Variants in TNS1 observed in about 807,000 individuals in gnomAD.
TNS1 encodes tensin 1, also known as tensin-1.
A neutral mutation model predicts 168.6 loss-of-function variants in TNS1; 62 were observed. That is an observed-to-expected ratio of 0.37 (90% CI 0.30 to 0.45). The LOEUF (loss-of-function observed/expected upper bound fraction) is 0.45. Ranked by LOEUF, TNS1 falls within the 20% of genes least tolerant of loss-of-function variation. The probability of loss-of-function intolerance (pLI) is 1.00; values close to 1 mark genes in which losing one functional copy is unlikely to be tolerated. For synonymous variants in TNS1, 934 were observed against 933.2 expected (o/e 1.00, Z -0.02); for missense variants, 2,240 against 2,339.4 (o/e 0.96, Z 0.88).
intron 3 of TNS1, among the ~76,000 whole-genome samples, chr2:217,940,713 C>T (rs930315261): frequency 2.0e-5 from 3 of 152,172 alleles, no homozygotes; most frequent in Admixed American, 6.5e-5. Flanking sequence ...TACTGTGTCA[C>T]CCTCTCTGGT....
At chr2:217,900,430 C>T in intron 7 of TNS1, 33 bp downstream of exon 7, 1 of 1,533,880 alleles carries the variant, frequency 6.5e-7, no homozygotes, top group South Asian at 1.2e-5. Flanking sequence ...CCTGCTTGCA[C>T]TCCCGCCCCC....
At chr2:217,820,904 T>C (rs2571434) in intron 23 of TNS1, among the ~76,000 whole-genome samples, 67,154 of 151,872 alleles carry the variant, frequency 0.44, 15,801 homozygotes, top group African/African-American at 0.61. Flanking sequence ...CACCCAGGCA[T>C]CCCCTAATGG....
chr2:217,980,290 G>A (rs181023490), intron 2 of TNS1, among the ~76,000 whole-genome samples: 2 of 152,162 alleles, frequency 1.3e-5, no homozygotes, highest in East Asian at 1.9e-4. Context: ...CCACACAAGC[G>A]TTACCCATCA....
In TNS1 at chr2:217,813,666, T is replaced by C; in HGVS notation, c.4861+19A>G. 6.3e-7 allele frequency: 1 copy of C among 1,597,510 alleles called. No homozygotes were observed. The highest frequency in any genetic ancestry group is 8.5e-7 in the Non-Finnish European group (1 of 1,170,994). ...AAAGCTCACCTGGTCCTGAGCCCCA[T>C]TCTGGGAGATGAGGTTACCTTTTTT... On this transcript the variant is annotated intron_variant, in intron 26 of 32. Coordinates refer to ENST00000682258, the MANE Select transcript of TNS1 (RefSeq NM_001387777.1). This position sits in a 1 kb window ranked among gnomAD's most constrained non-coding sequence, Gnocchi z 4.0.
chr2:217,931,463 G>T (rs983616539), intron 3 of TNS1, among the ~76,000 whole-genome samples: 1 of 152,202 alleles, frequency 6.6e-6, no homozygotes, highest in African/African-American at 2.4e-5. Context: ...GGACATGTGA[G>T]GGTAGGTGCG....
chr2:218,027,270 G>A (rs984551114), intron 1 of TNS1, among the ~76,000 whole-genome samples: 1 of 151,772 alleles, frequency 6.6e-6, no homozygotes, highest in African/African-American at 2.4e-5. Context: ...GGGACTCCAC[G>A]GCCTACACGA....
At chr2:217,976,387 C>T (rs2126041320) in intron 3 of TNS1, among the ~76,000 whole-genome samples, 1 of 152,348 alleles carries the variant, frequency 6.6e-6, no homozygotes, top group East Asian at 1.9e-4. Context: ...GCTGCCCTTC[C>T]CAGCAGGAGG....
rs1181418665 is a variant in TNS1 at position 217,838,637 on chromosome 2, A to G, written c.3008-2426T>C. Reference sequence around the variant, plus strand: ...GAGCACCAATGGCCCCATGGCACCAATGGCCAGTCAGGGCCACTCACATTC... The same window carrying G: ...GAGCACCAATGGCCCCATGGCACCAGTGGCCAGTCAGGGCCACTCACATTC... On this transcript the variant is annotated intron_variant, in intron 19 of 32. Coordinates refer to ENST00000682258, the MANE Select transcript of TNS1 (RefSeq NM_001387777.1). 2.0e-5 allele frequency among the ~76,000 whole-genome samples: 3 copies of G among 152,318 alleles called. No homozygotes were observed. In the East Asian group the frequency reaches 5.8e-4, roughly 29 times the overall value.
intron 1 of TNS1, among the ~76,000 whole-genome samples, chr2:218,002,018 C>T (rs893933558): frequency 2.0e-5 from 3 of 152,228 alleles, no homozygotes; most frequent in African/African-American, 7.2e-5. Flanking sequence ...CCCACAGGAG[C>T]CCCTCTGAGG....
At chr2:217,975,815 G>A (rs114990624) in intron 3 of TNS1, among the ~76,000 whole-genome samples, 1,686 of 152,124 alleles carry the variant, frequency 0.011, 35 homozygotes, top group African/African-American at 0.038. Context: ...TGCTTTTCTG[G>A]CTAGCACCAT....
At chr2:217,815,079 G>T in intron 24 of TNS1, 81 bp from the exon 25 acceptor site, 1 of 1,170,542 alleles carries the variant, frequency 8.5e-7, no homozygotes, top group Non-Finnish European at 1.3e-6. Context: ...GGCCCCCAGT[G>T]CTTGTGAATT....
At chr2:218,025,031 C>G (rs568015054) in intron 1 of TNS1, among the ~76,000 whole-genome samples, 1 of 152,304 alleles carries the variant, frequency 6.6e-6, no homozygotes, top group African/African-American at 2.4e-5. Flanking sequence ...CAGGCCTAGG[C>G]CTGGAGGGAG....
At chr2:217,886,473 A>C in intron 13 of TNS1, 61 bp downstream of exon 13, 1 of 1,354,812 alleles carries the variant, frequency 7.4e-7, no homozygotes, top group East Asian at 2.5e-5. Context: ...CTCTTAGAGA[A>C]GATGGAAGAT....
At chr2:217,829,693 C>T (rs1944131297) in intron 22 of TNS1, 5 of 869,180 alleles carry the variant, frequency 5.8e-6, no homozygotes, top group Non-Finnish European at 9.4e-6. Context: ...GGTATCTCAT[C>T]ACCAAGCGTT....
At chr2:217,858,569 A>C in intron 18 of TNS1, 1 of 986,004 alleles carries the variant, frequency 1.0e-6, no homozygotes, top group South Asian at 4.7e-5. Flanking sequence ...CAAGTTCCCA[A>C]TAATTCCTAC....
In TNS1 at chr2:217,897,979, C is replaced by G. The variant is rs778673805; in HGVS notation, c.372-10G>C. On this transcript the variant is annotated splice_polypyrimidine_tract_variant and intron_variant, in intron 7 of 32. Coordinates refer to ENST00000682258, the MANE Select transcript of TNS1 (RefSeq NM_001387777.1). ...GCTCACACTCATGTTTCTAGGGAGA[C>G]AGCAGGCAGCGGAGGGTCCATATCA... is the stretch of plus-strand genomic sequence containing the variant. 6.3e-7 allele frequency: 1 copy of G among 1,596,806 alleles called. No individual in the cohort carries two copies. Among genetic ancestry groups the G allele is most frequent in the Non-Finnish European group, 8.5e-7 (1 of 1,171,314 alleles).
intron 18 of TNS1, among the ~76,000 whole-genome samples, chr2:217,852,183 G>T (rs113926237): frequency 0.033 from 4,988 of 152,260 alleles, 278 homozygotes; most frequent in African/African-American, 0.11. Flanking sequence ...GTTTCTAGGG[G>T]GCAAAGCACT....
chr2:217,994,043 C>T (rs1325796718), intron 1 of TNS1, among the ~76,000 whole-genome samples: 1 of 152,150 alleles, frequency 6.6e-6, no homozygotes, highest in Non-Finnish European at 1.5e-5. Context: ...CCAGCAGTGC[C>T]CCCTGGTGGT....
intron 1 of TNS1, among the ~76,000 whole-genome samples, chr2:217,996,303 C>T (rs955029084): frequency 5.3e-5 from 8 of 152,194 alleles, no homozygotes; most frequent in African/African-American, 1.7e-4. Context: ...CAACTCCTGT[C>T]GCACTCACTC....
Sources: gnomAD v4.1 joint callset for allele counts (sites outside exome capture counted in the v4.1 genomes callset) on GRCh38, gnomAD v4.1.1 for gene constraint, Gnocchi (gnomAD v3.1) non-coding constraint, MANE v1.5 for transcripts, NCBI Gene and HGNC (gene_info 2026-07-23, HGNC 2026-07-21) for gene names.